KIFAP3: variants seen among roughly 807,000 people sequenced by gnomAD.
KIFAP3 encodes the protein kinesin-associated protein 3.
KIFAP3 carries 68 observed loss-of-function variants against 106.5 expected under a neutral mutation model. The observed-to-expected ratio is 0.64, with a 90% CI of 0.53 to 0.78. KIFAP3 has a LOEUF of 0.78. Among genes scored for constraint, KIFAP3 ranks in the 30% least tolerant of loss-of-function variants. The pLI is 0.00. For synonymous variants in KIFAP3, 320 were observed against 311.5 expected (o/e 1.03, Z -0.29); for missense variants, 780 against 941.8 (o/e 0.83, Z 2.25).
chr1:169,993,261 C>G (rs1380334146), intron 10 of KIFAP3, among the ~76,000 whole-genome samples: 3 of 151,796 alleles, frequency 2.0e-5, no homozygotes, highest in Non-Finnish European at 4.4e-5. Flanking sequence ...CGCCCACTAC[C>G]ACACCTGGCT....
upstream of KIFAP3, among the ~76,000 whole-genome samples, chr1:170,078,666 A>G (rs1289708127): frequency 6.6e-6 from 1 of 152,152 alleles, no homozygotes; most frequent in Non-Finnish European, 1.5e-5. Flanking sequence ...TGAATACCTA[A>G]TGACAATATT....
intron 10 of KIFAP3, among the ~76,000 whole-genome samples, chr1:170,007,018 G>A (rs1262004937): frequency 1.3e-5 from 2 of 152,136 alleles, no homozygotes; most frequent in Non-Finnish European, 2.9e-5. Context: ...ATATTTAGGA[G>A]GAAAGCTATT....
Position 169,966,802 on chromosome 1 carries a change from G to A in KIFAP3, c.1984-5567C>T, listed in dbSNP as rs374535577. Among the ~76,000 whole-genome samples the A allele has an allele frequency of 5.9e-5, 9 of 151,818 alleles. No individual in the cohort carries two copies. In the East Asian group the frequency reaches 1.4e-3, roughly 23 times the overall value. On this transcript the variant is annotated intron_variant, in intron 17 of 19. Coordinates refer to ENST00000361580, the MANE Select transcript of KIFAP3 (RefSeq NM_014970.4). ...GAGATATTGGACTTGTGCCATAAAA[G>A]TTTGCTCTAGTTTGTGATAATGTTG...
chr1:169,939,296 T>G (rs993997081), intron 19 of KIFAP3, among the ~76,000 whole-genome samples: 11 of 152,150 alleles, frequency 7.2e-5, no homozygotes, highest in Admixed American at 2.6e-4. Flanking sequence ...TGCAGATGGT[T>G]TGCAGTGGAG....
intron 16 of KIFAP3, among the ~76,000 whole-genome samples, chr1:169,973,105 G>GTGTGTGTATATATATATA (rs145406203): frequency 4.4e-5 from 4 of 90,312 alleles, no homozygotes; most frequent in African/African-American, 1.8e-4. Context: ...AAAATAGTGT[G>GTGTGTGTATATATATATA]TATATATATA....
At chr1:170,023,936 A>G (rs2102021855) in intron 9 of KIFAP3, 1 of 152,314 alleles carries the variant, frequency 6.6e-6, no homozygotes, top group African/African-American at 2.4e-5. Flanking sequence ...TTACAGTTTC[A>G]AGAGATTTTT....
At position 169,983,361 on chromosome 1, in the gene KIFAP3, A is replaced by C; in HGVS notation, c.1415T>G (p.Met472Arg). 6.2e-7 allele frequency: 1 copy of C among 1,608,590 alleles called. No homozygotes were observed. Among genetic ancestry groups the C allele is most frequent in the South Asian group, 1.1e-5 (1 of 90,158 alleles). Residue 472 changes from methionine (M) to arginine (R), a missense_variant, in exon 13 of 20, where the codon ATG (methionine) becomes AGG (arginine). Coordinates refer to ENST00000361580, the MANE Select transcript of KIFAP3 (RefSeq NM_014970.4). ...ATCCTTAAACTTCAGAGCCCTCTTC[A>C]TGAGCATCTTCAGCCCATTTCCTGA... The part of the protein sequence containing the change: ...ICEGNGLKML[M>R]KRALKFKDPL...
At chr1:169,990,993 T>C (rs1667069203) in intron 11 of KIFAP3, among the ~76,000 whole-genome samples, 1 of 152,088 alleles carries the variant, frequency 6.6e-6, no homozygotes, top group Admixed American at 6.6e-5. Flanking sequence ...AAAATAGTTA[T>C]TATATACATT....
upstream of KIFAP3, among the ~76,000 whole-genome samples, chr1:170,074,930 A>C (rs114510232): frequency 8.1e-3 from 1,240 of 152,354 alleles, 22 homozygotes; most frequent in African/African-American, 0.027. Context: ...ATAACCTTTT[A>C]GTTAGCGAAT....
intron 9 of KIFAP3, among the ~76,000 whole-genome samples, chr1:170,018,679 C>T (rs1304499364): frequency 1.3e-5 from 2 of 149,260 alleles, no homozygotes; most frequent in East Asian, 3.9e-4. Context: ...TTATTTATAC[C>T]ACCCATTTCA....
At chr1:170,031,851 CT>C in intron 8 of KIFAP3, 34 bp downstream of exon 8, 1 of 1,320,218 alleles carries the variant, frequency 7.6e-7, no homozygotes, top group Non-Finnish European at 1.1e-6. Context: ...GGAGTAAGTA[CT>C]TTGTTGCTTT....
At chr1:169,932,111 C>T (rs550042040) in intron 19 of KIFAP3, among the ~76,000 whole-genome samples, 30 of 152,234 alleles carry the variant, frequency 2.0e-4, no homozygotes, top group African/African-American at 7.2e-4. Flanking sequence ...TACTTAAAAC[C>T]TCTTGGATTA....
chr1:169,940,113 T>G (rs2806385), intron 19 of KIFAP3, among the ~76,000 whole-genome samples: 142,391 of 152,268 alleles, frequency 0.94, 66,668 homozygotes, highest in East Asian at 0.99. Flanking sequence ...AAAATGGGTT[T>G]ATTGGATTTT....
chr1:170,039,332 G>A (rs1669857259), intron 3 of KIFAP3, 44 bp from the exon 4 acceptor site: 1 of 1,086,796 alleles, frequency 9.2e-7, no homozygotes, highest in Non-Finnish European at 1.4e-6. Context: ...AGGTTTTTAG[G>A]GTTTCTAGGT....
At chr1:169,977,197 T>C (rs1666263911) in intron 16 of KIFAP3, among the ~76,000 whole-genome samples, 1 of 152,190 alleles carries the variant, frequency 6.6e-6, no homozygotes, top group Admixed American at 6.5e-5. Flanking sequence ...TGTTTAATTA[T>C]ATGTAGTAAA....
rs372878405 is a variant in KIFAP3 at position 170,008,534 on chromosome 1, G to A, written c.1183+7928C>T. Among the ~76,000 whole-genome samples the A allele has an allele frequency of 2.1e-4, 32 of 152,122 alleles. No homozygotes were observed. The East Asian group carries it at 5.6e-3, about 27-fold the overall frequency. On this transcript the variant is annotated intron_variant, in intron 10 of 19. Transcript: ENST00000361580. The stretch of plus-strand genomic sequence containing the variant: ...ATATGAAAAAAAGCTCATCATCACT[G>A]GTCATTAGAGAAATGCAAATCAAAA...
chr1:170,051,715 G>T (rs1174761475), intron 2 of KIFAP3, among the ~76,000 whole-genome samples: 1 of 152,106 alleles, frequency 6.6e-6, no homozygotes, highest in African/African-American at 2.4e-5. Flanking sequence ...TAACTACATG[G>T]AAACTGAACA....
At chr1:169,988,754 C>G (rs1032197138) in intron 11 of KIFAP3, among the ~76,000 whole-genome samples, 4 of 151,760 alleles carry the variant, frequency 2.6e-5, no homozygotes, top group African/African-American at 9.7e-5. Flanking sequence ...GCAATAAAAC[C>G]ACGTCAACTT....
intron 1 of KIFAP3, among the ~76,000 whole-genome samples, chr1:170,074,137 A>G (rs2102184170): frequency 6.6e-6 from 1 of 151,918 alleles, no homozygotes; most frequent in African/African-American, 2.4e-5. Flanking sequence ...AAAAAAAAAC[A>G]AAAGACGCGG....
Sources: allele counts gnomAD v4.1 joint callset (sites outside exome capture counted in the v4.1 genomes callset), GRCh38; gene constraint gnomAD v4.1.1; transcripts MANE v1.5; gene names NCBI Gene and HGNC (gene_info 2026-07-23, HGNC 2026-07-21).